BDKRB2: variants seen among roughly 807,000 people sequenced by gnomAD.
The protein encoded by BDKRB2 is bradykinin receptor B2.
Under a neutral mutation model 4.0 loss-of-function variants are expected in BDKRB2, and 6 were observed. The ratio of observed to expected loss-of-function variants is 1.49; its 90% CI spans 0.81 to 2.93. The LOEUF is 2.93. BDKRB2 is among the 30% of genes most tolerant of loss of function. The pLI is 0.00. For missense variants in BDKRB2, 478 were observed against 520.1 expected (o/e 0.92, Z 0.79); for synonymous variants, 225 against 215.3 (o/e 1.05, Z -0.40).
intron 1 of BDKRB2, among the ~76,000 whole-genome samples, chr14:96,216,766 G>C (rs866481161): frequency 8.8e-6 from 1 of 113,428 alleles, no homozygotes; most frequent in African/African-American, 3.5e-5. Context: ...AGGAGGAGGA[G>C]GAAGGAGGAG....
chr14:96,209,276 G>A (rs559124628), intron 1 of BDKRB2, among the ~76,000 whole-genome samples: 1 of 152,218 alleles, frequency 6.6e-6, no homozygotes, highest in Non-Finnish European at 1.5e-5. Flanking sequence ...GAGAGTTTGA[G>A]GGTGCACCTG....
At chr14:96,239,430 A>G (rs981255669) in intron 2 of BDKRB2, 1 of 985,412 alleles carries the variant, frequency 1.0e-6, no homozygotes, top group Non-Finnish European at 1.2e-6. Context: ...GAAGGTAGAG[A>G]TGAATTACAG....
Position 96,223,143 on chromosome 14 carries a change from C to T in BDKRB2, c.-39-13926C>T, listed in dbSNP as rs369555767. 6.9e-5 allele frequency: 88 copies of T among 1,269,426 alleles called. 1 individual carries two copies. In the East Asian group the frequency reaches 1.1e-3, roughly 16 times the overall value. 78.6% of individuals were successfully genotyped at this position (1,269,426 alleles called of 1,614,324 possible). ...AACAAATTCACTATTCGGACAGATA[C>T]GACGACGAGGAGTTTGAGTATCGAC... On this transcript the variant is annotated intron_variant, in intron 1 of 2. Transcript: ENST00000554311.
At chr14:96,226,142 G>C (rs1233558118) in intron 1 of BDKRB2, among the ~76,000 whole-genome samples, 1 of 152,134 alleles carries the variant, frequency 6.6e-6, no homozygotes, top group Non-Finnish European at 1.5e-5. Context: ...ATTTTTTCCT[G>C]GTATACATGA....
rs1885374080 is a variant in BDKRB2 at position 96,243,976 on chromosome 14, G to A, written c.*2472G>A. ...TGTGGGGATCCACACCTGGTCTGAG[G>A]GGCAACTGAGTCTGCGGGAGAAGAG... is the stretch of plus-strand genomic sequence containing the variant. On this transcript the variant is annotated 3_prime_UTR_variant, in exon 3 of 3. Transcript: ENST00000554311. 2.6e-6 allele frequency: 1 copy of A among 386,970 alleles called. No homozygotes were observed. The highest frequency in any genetic ancestry group is 4.6e-6 in the Non-Finnish European group (1 of 219,460). 24.0% of individuals were successfully genotyped at this position (386,970 alleles called of 1,614,324 possible).
intron 1 of BDKRB2, among the ~76,000 whole-genome samples, chr14:96,224,004 T>C (rs571893973): frequency 6.6e-6 from 1 of 152,272 alleles, no homozygotes; most frequent in South Asian, 2.1e-4. Flanking sequence ...ATTTAGGAAT[T>C]ATTGTCAGTT....
At chr14:96,214,910 G>A (rs369945097) in intron 1 of BDKRB2, 1 of 152,242 alleles carries the variant, frequency 6.6e-6, no homozygotes, top group South Asian at 2.1e-4. Context: ...GCTGGGTTCA[G>A]GCTTTTCTGC....
chr14:96,210,876 G>A (rs974107578), intron 1 of BDKRB2: 1 of 152,222 alleles, frequency 6.6e-6, no homozygotes, highest in African/African-American at 2.4e-5. Context: ...GTCTGTCCTG[G>A]ACCCAAAAGC....
At chr14:96,216,226 C>T (rs1292469215) in intron 1 of BDKRB2, among the ~76,000 whole-genome samples, 1 of 152,142 alleles carries the variant, frequency 6.6e-6, no homozygotes, top group Non-Finnish European at 1.5e-5. Flanking sequence ...TTAGTCACTG[C>T]CTCGGGCCAG....
rs567592148 is a variant in BDKRB2 at position 96,238,889 on chromosome 14, G to C, written c.75-1514G>C. On this transcript the variant is annotated intron_variant, in intron 2 of 2. Transcript: ENST00000554311. ...AGGAGTCAGGCAGGGCAGGGGCCGG[G>C]TGGTGTCTTCTTTGTGTTCTTGCAC... The C allele has an allele frequency of 4.1e-6, 4 of 986,562 alleles. No individual in the cohort carries two copies. The South Asian group carries it at 1.4e-4, about 35-fold the overall frequency. 61.1% of individuals were successfully genotyped at this position (986,562 alleles called of 1,614,324 possible).
chr14:96,239,976 C>A (rs770470822), intron 2 of BDKRB2: 246 of 990,420 alleles, frequency 2.5e-4, no homozygotes, highest in Non-Finnish European at 2.9e-4. Flanking sequence ...TCATTTTTCT[C>A]TTTTAATAAA....
chr14:96,213,533 CGTGT>C (rs1890351974), intron 1 of BDKRB2, among the ~76,000 whole-genome samples: 1 of 150,816 alleles, frequency 6.6e-6, no homozygotes, highest in African/African-American at 2.4e-5. Flanking sequence ...CACACACACA[CGTGT>C]ACACACACAA....
chr14:96,240,392 C>T lies in BDKRB2; in HGVS notation c.75-11C>T, dbSNP rs1468408523. ...CTGAGGGGTAACAGCCTCTTTTCCACTTTCTTTCAGCGCCGACATGCTCAA... is the reference window on the plus strand; with the variant it reads ...CTGAGGGGTAACAGCCTCTTTTCCATTTTCTTTCAGCGCCGACATGCTCAA... On this transcript the variant is annotated splice_polypyrimidine_tract_variant and intron_variant, in intron 2 of 2. Transcript: ENST00000554311. The T allele has an allele frequency of 2.8e-6, 4 of 1,424,574 alleles. No homozygotes were observed. The East Asian group carries it at 7.6e-5, about 27-fold the overall frequency. The allele number at this position is 1,424,574 out of a possible 1,614,324, so 88.2% of individuals were successfully genotyped here. A position where few individuals can be genotyped will look rare whatever the true frequency, so the allele number is the denominator to read the frequency against.
chr14:96,220,080 T>C (rs1038139925), intron 1 of BDKRB2, among the ~76,000 whole-genome samples: 8 of 151,958 alleles, frequency 5.3e-5, no homozygotes, highest in Admixed American at 4.6e-4. Flanking sequence ...AGAAAGCCCG[T>C]TGTTAACCAT....
intron 1 of BDKRB2, among the ~76,000 whole-genome samples, chr14:96,236,046 C>T (rs896188932): frequency 4.6e-5 from 7 of 152,284 alleles, no homozygotes; most frequent in South Asian, 2.1e-4. Flanking sequence ...TGCCTCCCTC[C>T]CTGGATGGGA....
chr14:96,237,900 T>A, intron 2 of BDKRB2: 2 of 1,274,616 alleles, frequency 1.6e-6, no homozygotes, highest in Non-Finnish European at 2.0e-6. Context: ...ATAAGCAGCA[T>A]CTGGTGCTAT....
At position 96,241,748 on chromosome 14, in the gene BDKRB2, T is replaced by A. The variant is rs1396483594; in HGVS notation, c.*244T>A. 8 of 475,926 alleles carry A rather than the reference T, an allele frequency of 1.7e-5. No individual in the cohort carries two copies. Among genetic ancestry groups the A allele is most frequent in the South Asian group, 7.7e-5 (1 of 12,980 alleles). 29.5% of individuals were successfully genotyped at this position (475,926 alleles called of 1,614,324 possible). On this transcript the variant is annotated 3_prime_UTR_variant, in exon 3 of 3. Transcript: ENST00000554311. ...AATCACAACAGCATTACTGTTCTTA[T>A]TTGCTGCCACACCTGAGCCAGCCTG... is the stretch of plus-strand genomic sequence containing the variant.
At chr14:96,235,093 A>G (rs1441554423) in intron 1 of BDKRB2, among the ~76,000 whole-genome samples, 1 of 152,154 alleles carries the variant, frequency 6.6e-6, no homozygotes, top group Non-Finnish European at 1.5e-5. Context: ...CACATCTGTA[A>G]TCCCAGCACT....
At chr14:96,227,760 C>T (rs979495305) in intron 1 of BDKRB2, among the ~76,000 whole-genome samples, 1 of 152,216 alleles carries the variant, frequency 6.6e-6, no homozygotes, top group Non-Finnish European at 1.5e-5. Flanking sequence ...AGCCTGCTGG[C>T]CACACTCGGC....
Sources: allele counts gnomAD v4.1 joint callset (sites outside exome capture counted in the v4.1 genomes callset), GRCh38; gene constraint gnomAD v4.1.1; transcripts MANE v1.5; gene names NCBI Gene and HGNC (gene_info 2026-07-23, HGNC 2026-07-21).